CAST: variants seen among roughly 807,000 people sequenced by gnomAD.
CAST encodes the protein calpastatin.
CAST carries 76 observed loss-of-function variants against 119.6 expected under a neutral mutation model. The observed-to-expected ratio is 0.64, with a 90% CI of 0.53 to 0.77. CAST has a LOEUF of 0.77. CAST is among the 30% of genes least tolerant of loss of function. The pLI is 0.00. For missense variants in CAST, 953 were observed against 946.5 expected (o/e 1.01, Z -0.09); for synonymous variants, 319 against 331.6 (o/e 0.96, Z 0.41).
intron 1 of CAST, among the ~76,000 whole-genome samples, chr5:96,574,559 T>C (rs986576122): frequency 4.6e-5 from 7 of 152,214 alleles, no homozygotes; most frequent in Non-Finnish European, 1.0e-4. Context: ...AATGCATCAA[T>C]TTTTCCTTTT....
chr5:96,665,984 T>A (rs966971287), intron 1 of CAST, among the ~76,000 whole-genome samples: 8 of 152,272 alleles, frequency 5.3e-5, no homozygotes, highest in African/African-American at 1.9e-4. Flanking sequence ...AACACAGATA[T>A]CGGTATATAC....
At chr5:96,749,138 G>C (rs1373579738) in intron 19 of CAST, among the ~76,000 whole-genome samples, 1 of 152,120 alleles carries the variant, frequency 6.6e-6, no homozygotes, top group East Asian at 1.9e-4. Context: ...TTTCTCACTT[G>C]GTTCCTCTGT....
the CAST span, among the ~76,000 whole-genome samples, chr5:96,312,412 C>T: frequency 6.6e-6 from 1 of 152,126 alleles, no homozygotes; most frequent in East Asian, 1.9e-4. Flanking sequence ...TTTTCCTTCC[C>T]CTTTGACAAA....
At position 96,650,893 on chromosome 5, in the gene CAST, A is replaced by G. The variant is rs1748086429; in HGVS notation, c.61-24646A>G. On this transcript the variant is annotated intron_variant, in intron 1 of 11. Transcript: ENST00000505143. ...TAGCAAAGAATTTTTTCAACAGACT[A>G]GTGCAAAATAGATATTTAGAATTGT... 2.0e-5 allele frequency among the ~76,000 whole-genome samples: 3 copies of G among 152,166 alleles called. No individual in the cohort carries two copies. In the South Asian group the frequency reaches 6.2e-4, roughly 32 times the overall value.
chr5:96,597,519 G>A (rs1185193780), intron 1 of CAST, among the ~76,000 whole-genome samples: 1 of 152,144 alleles, frequency 6.6e-6, no homozygotes, highest in Admixed American at 6.5e-5. Flanking sequence ...CCACTAACTA[G>A]AGATTTAGTC....
chr5:96,680,021 G>A (rs1751165110), intron 2 of CAST, among the ~76,000 whole-genome samples: 1 of 151,696 alleles, frequency 6.6e-6, no homozygotes. Context: ...ATAATTATTG[G>A]AAAAAAATTA....
At chr5:96,130,824 A>C in the CAST span, among the ~76,000 whole-genome samples, 2 of 152,138 alleles carry the variant, frequency 1.3e-5, no homozygotes, top group Non-Finnish European at 2.9e-5. Context: ...AAATTAAAAC[A>C]TGATACTCTT....
At chr5:96,139,631 C>T in the CAST span, among the ~76,000 whole-genome samples, 1 of 150,498 alleles carries the variant, frequency 6.6e-6, no homozygotes, top group Non-Finnish European at 1.5e-5. Flanking sequence ...TTTTTTCATT[C>T]TGGAAAGCAT....
At chr5:96,477,252 G>A in the CAST span, among the ~76,000 whole-genome samples, 3 of 150,948 alleles carry the variant, frequency 2.0e-5, no homozygotes, top group African/African-American at 7.3e-5. Context: ...TTCATCAGGC[G>A]ATATATAGAA....
the CAST span, among the ~76,000 whole-genome samples, chr5:96,367,364 C>CTCAGATCTCA: frequency 5.1e-4 from 77 of 150,738 alleles, no homozygotes; most frequent in East Asian, 1.6e-3. Context: ...CAGACAGGGA[C>CTCAGATCTCA]ATTTAAGTCT....
intron 20 of CAST, among the ~76,000 whole-genome samples, chr5:96,750,912 T>C (rs1317037898): frequency 6.6e-6 from 1 of 152,220 alleles, no homozygotes; most frequent in Non-Finnish European, 1.5e-5. Context: ...TTCTCTACTC[T>C]TCTGAAATTC....
chr5:96,702,536 C>G (rs1395882063), intron 3 of CAST, among the ~76,000 whole-genome samples: 2 of 152,194 alleles, frequency 1.3e-5, no homozygotes, highest in East Asian at 1.9e-4. Context: ...GTGCACCCAC[C>G]GTCGTTGCCT....
At chr5:96,626,027 G>C (rs111830599) in intron 1 of CAST, among the ~76,000 whole-genome samples, 4,105 of 152,228 alleles carry the variant, frequency 0.027, 194 homozygotes, top group African/African-American at 0.093. Context: ...TCTGAAGGCC[G>C]TGTCCGCCTT....
At chr5:95,963,934 G>C in the CAST span, among the ~76,000 whole-genome samples, 9 of 152,092 alleles carry the variant, frequency 5.9e-5, no homozygotes, top group Admixed American at 5.2e-4. Context: ...CCAAGCGGGT[G>C]GGGGAGGAGT....
the CAST span, among the ~76,000 whole-genome samples, chr5:96,273,186 G>A: frequency 2.6e-5 from 4 of 152,194 alleles, no homozygotes; most frequent in Admixed American, 6.5e-5. Context: ...TAAACTTGAT[G>A]TAAATAAAAT....
the CAST span, among the ~76,000 whole-genome samples, chr5:96,168,006 T>C: frequency 1.9e-4 from 29 of 152,208 alleles, 1 homozygote; most frequent in East Asian, 5.8e-4. Flanking sequence ...TTCTAAGAGG[T>C]GGGCTAGTGG....
the CAST span, among the ~76,000 whole-genome samples, chr5:96,057,552 A>G: frequency 6.6e-6 from 1 of 152,110 alleles, no homozygotes; most frequent in Non-Finnish European, 1.5e-5. Context: ...TGATCTTCTT[A>G]GGACTCAGTT....
chr5:96,195,619 A>G, the CAST span, among the ~76,000 whole-genome samples: 1 of 152,260 alleles, frequency 6.6e-6, no homozygotes, highest in Non-Finnish European at 1.5e-5. Flanking sequence ...ATTTGAAACA[A>G]TCAGTTATCT....
chr5:96,729,580 ATGTGTGTGGGCACC>A lies in CAST; in HGVS notation c.436-23_436-10del. On this transcript the variant is annotated intron_variant, in intron 7 of 31. Coordinates refer to ENST00000675179, the MANE Select transcript of CAST (RefSeq NM_001750.7). ...ACCATCTTGTTAACAATGTCTTTAT[ATGTGTGTGGGCACC>A]TGTGTGTGTACTTTCAGCCAAAAAG... 1.2e-6 allele frequency: 1 copy of A among 835,490 alleles called. No homozygotes were observed. Among genetic ancestry groups the A allele is most frequent in the Non-Finnish European group, 2.1e-6 (1 of 470,618 alleles). The allele number at this position is 835,490 out of a possible 1,614,324, so 51.8% of individuals were successfully genotyped here. A position where few individuals can be genotyped will look rare whatever the true frequency, so the allele number is the denominator to read the frequency against.
Sources: gnomAD v4.1 joint callset for allele counts (sites outside exome capture counted in the v4.1 genomes callset) on GRCh38, gnomAD v4.1.1 for gene constraint, MANE v1.5 for transcripts, NCBI Gene and HGNC (gene_info 2026-07-23, HGNC 2026-07-21) for gene names.